The following KRTCAP3 variants were observed in gnomAD, a reference collection of about 807,000 sequenced individuals.
KRTCAP3 encodes keratinocyte associated protein 3, also known as keratinocyte-associated protein 3.
Under a neutral mutation model 20.5 loss-of-function variants are expected in KRTCAP3, and 18 were observed. That is an observed-to-expected ratio of 0.88 (90% CI 0.61 to 1.31). The LOEUF is 1.31. Ranked by LOEUF, KRTCAP3 falls within the 50% of genes most tolerant of loss-of-function variation. The probability of loss-of-function intolerance (pLI) is 0.00; values close to 1 mark genes in which losing one functional copy is unlikely to be tolerated. For missense variants in KRTCAP3, 347 were observed against 310.4 expected (o/e 1.12, Z -0.89); for synonymous variants, 167 against 133.7 (o/e 1.25, Z -1.72).
downstream of KRTCAP3, among the ~76,000 whole-genome samples, chr2:27,444,713 T>C (rs754565379): frequency 5.9e-5 from 9 of 152,198 alleles, no homozygotes; most frequent in Non-Finnish European, 8.8e-5. Context: ...AGTGGCACAA[T>C]CTCAGCTCAC....
At position 27,443,138 on chromosome 2, in the gene KRTCAP3, T is replaced by G. The variant is rs200253747; in HGVS notation, c.338T>G (p.Leu113Arg). 1.1e-5 allele frequency: 17 copies of G among 1,614,118 alleles called. No individual in the cohort carries two copies. The highest frequency in any genetic ancestry group is 8.3e-5 in the Admixed American group (5 of 60,028). ...LLLSVACSLG[L>R]LLAVSLTVAN... ...TTGTCCGTTGCCTGCTCCCTGGGCC[T>G]CCTTCTTGCTGTGTCACTCACTGTG... The change falls in exon 4 of 7, where the codon CTC becomes CGC. Residue 113 changes from leucine to arginine, a missense_variant. By Grantham distance (102) the Leu-to-Arg change is moderately radical. Coordinates refer to ENST00000288873, the MANE Select transcript of KRTCAP3 (RefSeq NM_173853.4).
rs1041829914 is a variant in KRTCAP3, at chr2:27,443,597, G to A, written c.615+65G>A. On this transcript the variant is annotated intron_variant, in intron 5 of 6. Coordinates refer to ENST00000288873, the MANE Select transcript of KRTCAP3 (RefSeq NM_173853.4). ...TGGCTGTGTTGAAAAGATGCTGACC[G>A]GCCGGGTGCGGAGGCTCACACCTGT... The A allele has an allele frequency of 2.0e-5, 32 of 1,571,722 alleles. No homozygotes were observed. In the Admixed American group the frequency reaches 3.4e-4, roughly 17 times the overall value.
chr2:27,445,764 G>A (rs765119001), downstream of KRTCAP3: 2 of 1,614,172 alleles, frequency 1.2e-6, no homozygotes, highest in South Asian at 2.2e-5. This position sits in a 1 kb window ranked among gnomAD's most constrained non-coding sequence, Gnocchi z 4.4. Flanking sequence ...CTGCTTAGCT[G>A]GGAGTGGCAC....
chr2:27,446,417 G>T, downstream of KRTCAP3: 2 of 1,404,658 alleles, frequency 1.4e-6, no homozygotes, highest in South Asian at 1.2e-5. Flanking sequence ...CCAGACCAAT[G>T]ATCCTGTAAG....
downstream of KRTCAP3, chr2:27,445,647 G>T: frequency 6.9e-7 from 1 of 1,455,134 alleles, no homozygotes; most frequent in Non-Finnish European, 9.5e-7. The surrounding 1 kb of genome is among the most constrained non-coding windows in gnomAD (Gnocchi z 4.4). Context: ...AACAGTGAGG[G>T]CTGAGGTCCT....
chr2:27,446,111 G>A, downstream of KRTCAP3: 2 of 1,401,368 alleles, frequency 1.4e-6, no homozygotes, highest in Non-Finnish European at 2.0e-6. Flanking sequence ...TGGGATCCAG[G>A]GAGAAAAATC....
chr2:27,444,573 A>G (rs372020267), downstream of KRTCAP3: 23 of 1,427,276 alleles, frequency 1.6e-5, no homozygotes, highest in East Asian at 2.5e-4. Context: ...TGGAAATACA[A>G]AATCAGCTCC....
rs747893929 is a variant in KRTCAP3 at position 27,442,894 on chromosome 2, C to T, written c.266C>T (p.Pro89Leu). The change falls in exon 3 of 7, where the codon CCT (proline) becomes CTT (leucine). Residue 89 changes from proline (P) to leucine (L), a missense_variant. Coordinates refer to ENST00000288873, the MANE Select transcript of KRTCAP3 (RefSeq NM_173853.4). ...ALLASRNLLR[P>L]PLHWVLLALA... is the part of the protein sequence containing the mutation. ...CTGGCGTCCAGGAACCTTCTTCGCC[C>T]TCCACTGGTGAGAGGGACTTCCCTG... The T allele has an allele frequency of 4.3e-6, 7 of 1,613,174 alleles. No individual in the cohort carries two copies. Among genetic ancestry groups the T allele is most frequent in the Non-Finnish European group, 5.9e-6 (7 of 1,180,022 alleles).
At chr2:27,444,888 A>G (rs1558347587), downstream of KRTCAP3, 1 of 980,336 alleles carries the variant, frequency 1.0e-6, no homozygotes, top group African/African-American at 1.6e-5. Context: ...ACCTCAGGTG[A>G]TCCGCCCACC....
At position 27,444,278 on chromosome 2, in the gene KRTCAP3, G is replaced by A. The variant is rs560284264; in HGVS notation, c.*98G>A. The A allele has an allele frequency of 1.5e-6, 1 of 654,524 alleles. No individual in the cohort carries two copies. Among genetic ancestry groups the A allele is most frequent in the African/African-American group, 1.8e-5 (1 of 54,664 alleles). 40.5% of individuals were successfully genotyped at this position (654,524 alleles called of 1,614,324 possible). On this transcript the variant is annotated 3_prime_UTR_variant, in exon 7 of 7. Coordinates refer to ENST00000288873, the MANE Select transcript of KRTCAP3 (RefSeq NM_173853.4). ...GGATGAGATAACAAATTGTAATAAA[G>A]TAACTTCTCTTTTCTTCTACTTGAT...
downstream of KRTCAP3, chr2:27,446,282 T>C (rs761504464): frequency 1.1e-5 from 17 of 1,614,126 alleles, no homozygotes; most frequent in Admixed American, 2.7e-4. Flanking sequence ...GCCTGCTTCA[T>C]AGAAGGCTTT....
chr2:27,442,863 G>GC lies in KRTCAP3; in HGVS notation c.238dup (p.Leu80ProfsTer52). ...ACAGAGCGTTTCCGTGGGACTTGTG[G>GC]CCCTCCTGGCGTCCAGGAACCTTCT... is the stretch of plus-strand genomic sequence containing the variant. On this transcript the variant is annotated frameshift_variant, in exon 3 of 7. Transcript: ENST00000288873. LOFTEE classifies it high-confidence loss of function. 6.2e-7 allele frequency: 1 copy of GC among 1,612,298 alleles called. No homozygotes were observed. The highest frequency in any genetic ancestry group is 1.3e-5 in the African/African-American group (1 of 75,060).
downstream of KRTCAP3, chr2:27,445,567 G>A (rs1024772797): frequency 8.6e-5 from 115 of 1,332,658 alleles, 1 homozygote; most frequent in Middle Eastern, 2.7e-4. This position sits in a 1 kb window ranked among gnomAD's most constrained non-coding sequence, Gnocchi z 4.4. Flanking sequence ...TTTTAGCCAC[G>A]AATCCTCCTT....
intron 1 of KRTCAP3, 37 bp downstream of exon 1, chr2:27,442,477 TG>T: frequency 6.4e-7 from 1 of 1,558,672 alleles, no homozygotes; most frequent in Non-Finnish European, 8.7e-7. Context: ...CTCCTTACCC[TG>T]GGGCTACCCT....
rs772682540 is a variant in KRTCAP3 at position 27,442,748 on chromosome 2, C to T, written c.198C>T (p.Val66=). 1.9e-6 allele frequency: 3 copies of T among 1,607,778 alleles called. No homozygotes were observed. Among genetic ancestry groups the T allele is most frequent in the Admixed American group, 1.7e-5 (1 of 59,248 alleles). The change falls in exon 2 of 7, where the codon GTC becomes GTT. Residue 66 remains valine (V), a synonymous_variant. Transcript: ENST00000288873. ...PEYTVANVIS[V]GSGLLSVSVG... ...ACACCGTAGCCAATGTCATCTCTGT[C>T]GGCTCGGGGCTGCTGGTGAGCGCGG...
chr2:27,445,460 CAAG>C (rs1296179714), downstream of KRTCAP3: 3 of 1,607,202 alleles, frequency 1.9e-6, no homozygotes, highest in Non-Finnish European at 8.5e-7. This position sits in a 1 kb window ranked among gnomAD's most constrained non-coding sequence, Gnocchi z 4.4. Flanking sequence ...CTGGAAAGGA[CAAG>C]AAGGGAGTGG....
downstream of KRTCAP3, chr2:27,445,314 G>A (rs1350772419): frequency 3.1e-6 from 5 of 1,612,992 alleles, no homozygotes; most frequent in African/African-American, 1.3e-5. The surrounding 1 kb of genome is among the most constrained non-coding windows in gnomAD (Gnocchi z 4.4). Context: ...AGGCAGGGCA[G>A]GGCTCGAACA....
downstream of KRTCAP3, chr2:27,446,238 A>AC (rs772502337): frequency 8.7e-6 from 14 of 1,610,482 alleles, no homozygotes; most frequent in Non-Finnish European, 1.2e-5. Context: ...TATCTGCCCC[A>AC]CCCTTCCTTG....
In KRTCAP3 at chr2:27,442,423, G is replaced by T; in HGVS notation, c.11G>T (p.Cys4Phe). The T allele has an allele frequency of 6.4e-7, 1 of 1,566,414 alleles. No individual in the cohort carries two copies. The highest frequency in any genetic ancestry group is 8.6e-7 in the Non-Finnish European group (1 of 1,156,484). ...GGCGCGGCGGACGGGATGAGGCGCT[G>T]CAGTCTCTGCGCTTTCGGTAACTTC... MRR[C>F]SLCAFDAARG... is the part of the protein sequence containing the mutation. Residue 4 changes from cysteine to phenylalanine, a missense_variant, in exon 1 of 7, where the codon TGC becomes TTC. Transcript: ENST00000288873.
Sources: gnomAD v4.1 joint callset for allele counts (sites outside exome capture counted in the v4.1 genomes callset) on GRCh38, gnomAD v4.1.1 for gene constraint, Gnocchi (gnomAD v3.1) non-coding constraint, MANE v1.5 for transcripts, NCBI Gene and HGNC (gene_info 2026-07-23, HGNC 2026-07-21) for gene names.